XPO4: variants seen among roughly 807,000 people sequenced by gnomAD.
The protein encoded by XPO4 is exportin-4.
Under a neutral mutation model 143.0 loss-of-function variants are expected in XPO4, and 39 were observed. The ratio of observed to expected loss-of-function variants is 0.27; its 90% CI spans 0.21 to 0.36. The LOEUF is 0.36. Ranked by LOEUF, XPO4 falls within the 10% of genes least tolerant of loss-of-function variation. The pLI is 1.00. For synonymous variants in XPO4, 439 were observed against 474.0 expected (o/e 0.93, Z 0.96); for missense variants, 907 against 1,348.0 (o/e 0.67, Z 5.12).
In XPO4 at chr13:20,893,613, G is replaced by A. The variant is rs148968044; in HGVS notation, c.69+9057C>T. Among the ~76,000 whole-genome samples, 1,365 of 151,826 alleles carry A rather than the reference G, an allele frequency of 9.0e-3. 8 individuals are homozygous for A. The highest frequency in any genetic ancestry group is 0.014 in the Middle Eastern group (4 of 294). The stretch of plus-strand genomic sequence containing the variant: ...TCTACTAAAAATACAAAAATTAGCC[G>A]GGCATGGTGGCACGTGCCTGTAATC... On this transcript the variant is annotated intron_variant, in intron 1 of 22. Coordinates refer to ENST00000255305, the MANE Select transcript of XPO4 (RefSeq NM_022459.5).
chr13:20,844,404 A>G (rs2060009501), intron 4 of XPO4, among the ~76,000 whole-genome samples: 1 of 152,180 alleles, frequency 6.6e-6, no homozygotes, highest in South Asian at 2.1e-4. Flanking sequence ...AATACCCAAA[A>G]GTTTTTTAAA....
chr13:20,800,697 C>A, intron 14 of XPO4, 134 bp downstream of exon 14: 1 of 1,124,960 alleles, frequency 8.9e-7, no homozygotes, highest in Non-Finnish European at 1.2e-6. Context: ...TCACATAATT[C>A]TCTTCCACAC....
chr13:20,901,581 G>A (rs1007431405), intron 1 of XPO4, among the ~76,000 whole-genome samples: 2 of 152,172 alleles, frequency 1.3e-5, no homozygotes, highest in Non-Finnish European at 2.9e-5. Context: ...TATTCATAAT[G>A]AAGCAAGTAA....
At chr13:20,840,445 C>G (rs904637538) in intron 6 of XPO4, among the ~76,000 whole-genome samples, 3 of 152,030 alleles carry the variant, frequency 2.0e-5, no homozygotes, top group African/African-American at 7.2e-5. Context: ...TAGACTCAAG[C>G]AATCCTCCCA....
intron 2 of XPO4, chr13:20,863,069 A>G: frequency 7.9e-7 from 1 of 1,263,340 alleles, no homozygotes; most frequent in Non-Finnish European, 1.0e-6. Flanking sequence ...ACCGATCACA[A>G]TTTTCACAAA....
intron 4 of XPO4, chr13:20,850,340 GTTAAT>G: frequency 1.1e-6 from 1 of 903,772 alleles, no homozygotes; most frequent in Non-Finnish European, 1.3e-6. Flanking sequence ...GCCTAGAGAA[GTTAAT>G]TTAAGTTAGG....
chr13:20,824,165 G>GTATT (rs1337438025), intron 7 of XPO4, among the ~76,000 whole-genome samples: 1 of 152,192 alleles, frequency 6.6e-6, no homozygotes, highest in Non-Finnish European at 1.5e-5. Flanking sequence ...ATATTCCAAT[G>GTATT]TATTTTAAGT....
At position 20,783,839 on chromosome 13, in the gene XPO4, G is replaced by A. The variant is rs753848261; in HGVS notation, c.3339C>T (p.Phe1113=). 4 of 1,614,090 alleles carry A rather than the reference G, an allele frequency of 2.5e-6. No individual in the cohort carries two copies. Among genetic ancestry groups the A allele is most frequent in the Non-Finnish European group, 3.4e-6 (4 of 1,180,034 alleles). ...GAGTGCTGCTTGCAGTGAGCTTGTT[G>A]AAGGCATCTGCTAATCTCTGGTAAA... ...PVIYQRLADA[F]NKLTASSTPP... The change falls in exon 23 of 23, where the codon TTC becomes TTT. Residue 1113 remains phenylalanine (F), a synonymous_variant. Coordinates refer to ENST00000255305, the MANE Select transcript of XPO4 (RefSeq NM_022459.5).
chr13:20,863,816 T>G (rs2060222689), intron 2 of XPO4, among the ~76,000 whole-genome samples: 2 of 152,194 alleles, frequency 1.3e-5, no homozygotes, highest in South Asian at 4.1e-4. Context: ...AAATTATCTC[T>G]AGGCATAGAC....
intron 4 of XPO4, chr13:20,849,244 T>C (rs1177509161): frequency 3.0e-6 from 3 of 985,446 alleles, no homozygotes; most frequent in Non-Finnish European, 2.4e-6. Context: ...GCTGCTCTTC[T>C]ATGCAAACAT....
At chr13:20,814,690 C>G (rs528875147) in intron 9 of XPO4, among the ~76,000 whole-genome samples, 1 of 152,356 alleles carries the variant, frequency 6.6e-6, no homozygotes, top group East Asian at 1.9e-4. Context: ...CCAAGCTAGA[C>G]ACTATGTGCT....
chr13:20,811,381 G>A (rs1206182776), intron 9 of XPO4, among the ~76,000 whole-genome samples: 2 of 150,676 alleles, frequency 1.3e-5, no homozygotes, highest in South Asian at 2.1e-4. Context: ...TCCGCTTCCT[G>A]GGTTCAAGCG....
intron 22 of XPO4, 96 bp downstream of exon 22, chr13:20,786,869 T>G (rs1443531755): frequency 1.1e-6 from 1 of 912,686 alleles, no homozygotes; most frequent in Non-Finnish European, 1.6e-6. Flanking sequence ...GAGTCACAGA[T>G]CCTATAAGGG....
chr13:20,871,331 G>GT (rs1316580847), intron 1 of XPO4, among the ~76,000 whole-genome samples: 3 of 151,818 alleles, frequency 2.0e-5, no homozygotes, highest in Non-Finnish European at 4.4e-5. Context: ...TTTTTGTTTT[G>GT]TTTTTTAAAA....
intron 1 of XPO4, among the ~76,000 whole-genome samples, chr13:20,894,776 G>A (rs2060551479): frequency 6.6e-6 from 1 of 151,602 alleles, no homozygotes; most frequent in African/African-American, 2.4e-5. Context: ...CCCAGGAGGT[G>A]TAGGTTGCAG....
At chr13:20,877,639 T>A (rs896235306) in intron 1 of XPO4, among the ~76,000 whole-genome samples, 1 of 152,212 alleles carries the variant, frequency 6.6e-6, no homozygotes, top group Non-Finnish European at 1.5e-5. Flanking sequence ...TATCTATCTA[T>A]CTCCATACTT....
chr13:20,878,135 G>A (rs1273184754), intron 1 of XPO4, among the ~76,000 whole-genome samples: 1 of 152,068 alleles, frequency 6.6e-6, no homozygotes, highest in Non-Finnish European at 1.5e-5. Flanking sequence ...ATTGCATCAT[G>A]GCACTCCAGC....
chr13:20,862,567 G>T, intron 3 of XPO4, 150 bp downstream of exon 3: 1 of 931,966 alleles, frequency 1.1e-6, no homozygotes, highest in Non-Finnish European at 1.6e-6. Flanking sequence ...GGCTCAAGGA[G>T]ATCCTCCCTC....
chr13:20,808,523 A>T lies in XPO4; in HGVS notation c.1552T>A (p.Leu518Ile), dbSNP rs1271473874. Residue 518 changes from leucine (L) to isoleucine (I), a missense_variant, in exon 12 of 23, where the codon TTA becomes ATA. Coordinates refer to ENST00000255305, the MANE Select transcript of XPO4 (RefSeq NM_022459.5). ...HGQLQRHQQQ[L>I]LASPGSSTVD... ...GTGCTTGAACCCGGTGAAGCAAGTAACTGTTGCTGATGTCGTTGTAACTGA... is the reference window on the plus strand; with the variant it reads ...GTGCTTGAACCCGGTGAAGCAAGTATCTGTTGCTGATGTCGTTGTAACTGA... 1 of 1,575,522 alleles carries T rather than the reference A, an allele frequency of 6.3e-7. No homozygotes were observed.
Sources: allele counts gnomAD v4.1 joint callset (sites outside exome capture counted in the v4.1 genomes callset), GRCh38; gene constraint gnomAD v4.1.1; transcripts MANE v1.5; gene names NCBI Gene and HGNC (gene_info 2026-07-23, HGNC 2026-07-21).